ABCC4: variants seen among roughly 807,000 people sequenced by gnomAD.
ABCC4 encodes ATP binding cassette subfamily C member 4 (PEL blood group), also known as ATP-binding cassette sub-family C member 4.
Under a neutral mutation model 168.5 loss-of-function variants are expected in ABCC4, and 102 were observed. The observed-to-expected ratio is 0.61, with a 90% CI of 0.52 to 0.71. The LOEUF is 0.71. Ranked by LOEUF, ABCC4 falls within the 30% of genes least tolerant of loss-of-function variation. ABCC4 has a pLI of 0.00. For synonymous variants in ABCC4, 617 were observed against 590.7 expected (o/e 1.04, Z -0.65); for missense variants, 1,402 against 1,605.8 (o/e 0.87, Z 2.17).
chr13:95,117,997 G>C (rs958630812), intron 19 of ABCC4, among the ~76,000 whole-genome samples: 4 of 152,132 alleles, frequency 2.6e-5, no homozygotes, highest in African/African-American at 9.7e-5. Flanking sequence ...TTGACCATTT[G>C]GGAGCATCTT....
chr13:95,149,149 C>T (rs942921985), intron 19 of ABCC4, among the ~76,000 whole-genome samples: 13 of 152,144 alleles, frequency 8.5e-5, no homozygotes, highest in Non-Finnish European at 1.6e-4. Context: ...TTTATTACCC[C>T]GGCTATTTAT....
intron 4 of ABCC4, among the ~76,000 whole-genome samples, chr13:95,212,269 AG>A (rs1799103980): frequency 1.3e-5 from 2 of 152,168 alleles, no homozygotes; most frequent in African/African-American, 4.8e-5. Context: ...GGGAGAAGAA[AG>A]GGAAGGAGAG....
intron 9 of ABCC4, among the ~76,000 whole-genome samples, chr13:95,192,928 T>C (rs753804158): frequency 1.3e-5 from 2 of 151,912 alleles, no homozygotes; most frequent in African/African-American, 2.4e-5. Context: ...CCAAAACAAA[T>C]AAATAAATAA....
intron 19 of ABCC4, among the ~76,000 whole-genome samples, chr13:95,157,750 T>G (rs2036918879): frequency 1.3e-5 from 2 of 152,106 alleles, no homozygotes; most frequent in South Asian, 4.1e-4. Flanking sequence ...ATATCTGGCA[T>G]GTTGGAGAAG....
chr13:95,228,307 T>C (rs1188002067), intron 4 of ABCC4, among the ~76,000 whole-genome samples: 1 of 152,082 alleles, frequency 6.6e-6, no homozygotes, highest in Non-Finnish European at 1.5e-5. Context: ...AGGTTCTACT[T>C]ATTGCATAGG....
intron 9 of ABCC4, among the ~76,000 whole-genome samples, chr13:95,193,574 TG>T (rs2038325645): frequency 6.6e-6 from 1 of 152,252 alleles, no homozygotes; most frequent in Non-Finnish European, 1.5e-5. Flanking sequence ...TCTCCCATGC[TG>T]TGTGTTCTGT....
At chr13:95,202,949 C>T (rs375632527) in intron 8 of ABCC4, among the ~76,000 whole-genome samples, 55 of 152,266 alleles carry the variant, frequency 3.6e-4, no homozygotes, top group African/African-American at 1.3e-3. Context: ...CGTGAGCCAT[C>T]GCGCCTGGCC....
intron 8 of ABCC4, among the ~76,000 whole-genome samples, chr13:95,199,748 C>T (rs2038571066): frequency 6.6e-6 from 1 of 152,118 alleles, no homozygotes; most frequent in Admixed American, 6.5e-5. Flanking sequence ...CTCTGGGCCC[C>T]CAATGCATTC....
intron 19 of ABCC4, among the ~76,000 whole-genome samples, chr13:95,148,187 C>T (rs2036559593): frequency 6.6e-6 from 1 of 152,094 alleles, no homozygotes. Flanking sequence ...GGTACCATAT[C>T]AAATGCTTTT....
intron 11 of ABCC4, among the ~76,000 whole-genome samples, chr13:95,186,086 A>G (rs1238674441): frequency 6.6e-6 from 1 of 151,978 alleles, no homozygotes; most frequent in Non-Finnish European, 1.5e-5. Flanking sequence ...ACGCAAACCA[A>G]TGGGTAATGA....
intron 30 of ABCC4, among the ~76,000 whole-genome samples, chr13:95,030,183 G>A (rs1190521102): frequency 6.6e-6 from 1 of 152,088 alleles, no homozygotes; most frequent in Non-Finnish European, 1.5e-5. Context: ...ACCATGCCTG[G>A]CTAATTTTTT....
At chr13:95,057,110 G>A (rs2033088606) in intron 26 of ABCC4, among the ~76,000 whole-genome samples, 1 of 152,158 alleles carries the variant, frequency 6.6e-6, no homozygotes, top group Non-Finnish European at 1.5e-5. Context: ...TAACTACCCT[G>A]TGTCATGAAC....
chr13:95,188,577 A>C (rs762633264), intron 9 of ABCC4, 35 bp from the exon 10 acceptor site: 2 of 1,533,282 alleles, frequency 1.3e-6, no homozygotes, highest in African/African-American at 2.7e-5. Flanking sequence ...TGCCCATTTC[A>C]ATAAAGTCAC....
At chr13:95,030,756 G>A (rs1445711735) in intron 30 of ABCC4, among the ~76,000 whole-genome samples, 1 of 152,232 alleles carries the variant, frequency 6.6e-6, no homozygotes, top group African/African-American at 2.4e-5. Flanking sequence ...CAGCACGGAA[G>A]TGTGAGAACA....
chr13:95,075,578 T>A (rs1037694514), intron 21 of ABCC4, 27 bp from the exon 22 acceptor site: 2 of 1,613,324 alleles, frequency 1.2e-6, no homozygotes, highest in African/African-American at 2.7e-5. Context: ...AGAAAACAGC[T>A]CAGTGAGGCT....
chr13:95,050,945 T>C (rs962127328), intron 27 of ABCC4, among the ~76,000 whole-genome samples: 1 of 152,232 alleles, frequency 6.6e-6, no homozygotes, highest in African/African-American at 2.4e-5. Context: ...AAAAACACTT[T>C]ATGAGTAATT....
intron 1 of ABCC4, among the ~76,000 whole-genome samples, chr13:95,276,305 T>C (rs540906225): frequency 1.8e-4 from 27 of 151,230 alleles, no homozygotes; most frequent in Admixed American, 1.6e-3. Context: ...GTCCCAGCTA[T>C]TCCAGAGGCT....
chr13:95,105,265 G>A (rs937249482), intron 20 of ABCC4, among the ~76,000 whole-genome samples: 2 of 152,014 alleles, frequency 1.3e-5, no homozygotes, highest in Non-Finnish European at 1.5e-5. Flanking sequence ...GAGGTCAGGC[G>A]GTAACGTGAG....
At chr13:95,047,875 A>G (rs912679797) in intron 27 of ABCC4, among the ~76,000 whole-genome samples, 33 of 152,172 alleles carry the variant, frequency 2.2e-4, no homozygotes, top group Admixed American at 1.6e-3. Context: ...TATATTACAT[A>G]TGCATTTTCT....
Sources: gnomAD v4.1 joint callset for allele counts (sites outside exome capture counted in the v4.1 genomes callset) on GRCh38, gnomAD v4.1.1 for gene constraint, MANE v1.5 for transcripts, NCBI Gene and HGNC (gene_info 2026-07-23, HGNC 2026-07-21) for gene names.